The following METTL6 variants were observed in gnomAD, a reference collection of about 807,000 sequenced individuals.
METTL6 encodes the protein tRNA N(3)-cytidine methyltransferase METTL6.
Under a neutral mutation model 26.4 loss-of-function variants are expected in METTL6, and 22 were observed. That is an observed-to-expected ratio of 0.83 (90% CI 0.59 to 1.19). The LOEUF (loss-of-function observed/expected upper bound fraction) is 1.19, where lower values mean the gene tolerates loss of function less well. Ranked by LOEUF, METTL6 falls within the 50% of genes most tolerant of loss-of-function variation. METTL6 has a pLI of 0.00. For synonymous variants in METTL6, 109 were observed against 116.2 expected (o/e 0.94, Z 0.40); for missense variants, 304 against 324.8 (o/e 0.94, Z 0.49).
chr3:15,386,157 G>A (rs1398271592), intron 6 of METTL6, among the ~76,000 whole-genome samples: 3 of 152,130 alleles, frequency 2.0e-5, no homozygotes, highest in Non-Finnish European at 4.4e-5. Context: ...CAGAACTGAG[G>A]GTTCCTCCCC....
rs552771173 is a variant in METTL6 at position 15,423,881 on chromosome 3, C to CAAACAA, written c.360+1068_360+1073dup. Among the ~76,000 whole-genome samples, 38 of 151,820 alleles carry CAAACAA rather than the reference C, an allele frequency of 2.5e-4. 1 individual carries two copies. The East Asian group carries it at 3.5e-3, about 14-fold the overall frequency. On this transcript the variant is annotated intron_variant, in intron 3 of 5. Transcript: ENST00000383790. ...CCTGGGTGAGAGTGAAACCATGTCTCAAACAAAAACAAAAACAAAAACCAG... is the reference window on the plus strand; with the variant it reads ...CCTGGGTGAGAGTGAAACCATGTCTCAAACAAAAACAAAAACAAAAACAAAAACCAG...
intron 3 of METTL6, among the ~76,000 whole-genome samples, chr3:15,421,115 TAGA>T (rs1200521187): frequency 6.6e-6 from 1 of 152,206 alleles, no homozygotes; most frequent in Non-Finnish European, 1.5e-5. Context: ...TCTCCATATC[TAGA>T]AGATGGTTTT....
At chr3:15,425,953 T>C (rs1042713468) in intron 2 of METTL6, among the ~76,000 whole-genome samples, 1 of 152,180 alleles carries the variant, frequency 6.6e-6, no homozygotes, top group Non-Finnish European at 1.5e-5. Flanking sequence ...ACATTTTTTT[T>C]TCTTTTGAGA....
chr3:15,425,232 C>G, intron 2 of METTL6, 143 bp from the exon 3 acceptor site: 1 of 806,520 alleles, frequency 1.2e-6, no homozygotes, highest in South Asian at 1.9e-5. Context: ...AAAGCTAATA[C>G]TGGTACTTCA....
At position 15,411,328 on chromosome 3, in the gene METTL6, G is replaced by A. The variant is rs1699955067; in HGVS notation, c.783C>T (p.Phe261=). The A allele has an allele frequency of 1.2e-6, 2 of 1,614,174 alleles. No homozygotes were observed. The highest frequency in any genetic ancestry group is 2.2e-5 in the East Asian group (1 of 44,880). The part of the protein sequence containing the change: ...KKEGLCVPRV[F]LQSKFLKPPK... ...GAGGCTTTAGAAATTTGCTCTGAAG[G>A]AAAACTCTTGGCACACACAGGCCTT... Residue 261 remains phenylalanine (F), a synonymous_variant, in exon 6 of 6, where the codon TTC becomes TTT. Transcript: ENST00000383790.
chr3:15,392,642 A>G (rs1699381064), intron 6 of METTL6, among the ~76,000 whole-genome samples: 1 of 152,178 alleles, frequency 6.6e-6, no homozygotes, highest in Admixed American at 6.5e-5. Context: ...CTAACATTTA[A>G]ATCTTTAATC....
chr3:15,408,392 T>C (rs1172802756), downstream of METTL6, among the ~76,000 whole-genome samples: 3 of 152,162 alleles, frequency 2.0e-5, no homozygotes, highest in Non-Finnish European at 2.9e-5. Flanking sequence ...TCACGTGCCA[T>C]ATATATGTAC....
At chr3:15,393,064 T>A (rs567910404) in intron 6 of METTL6, among the ~76,000 whole-genome samples, 1 of 152,342 alleles carries the variant, frequency 6.6e-6, no homozygotes, top group African/African-American at 2.4e-5. Flanking sequence ...AGGGATGGCA[T>A]TGAATCTATA....
At chr3:15,387,868 A>G (rs1201071863) in intron 6 of METTL6, among the ~76,000 whole-genome samples, 2 of 151,156 alleles carry the variant, frequency 1.3e-5, no homozygotes, top group African/African-American at 2.4e-5. Flanking sequence ...GCTGGAGTGC[A>G]ATGGTGTGGT....
downstream of METTL6, among the ~76,000 whole-genome samples, chr3:15,408,467 A>C (rs941710593): frequency 1.3e-5 from 2 of 150,600 alleles, no homozygotes; most frequent in Admixed American, 1.3e-4. Context: ...GAGGAATGTG[A>C]GGTTCAAACA....
At chr3:15,415,368 GCTGGTTTCAAACTCCTGAC>G in intron 4 of METTL6, 1 of 815,462 alleles carries the variant, frequency 1.2e-6, no homozygotes, top group Non-Finnish European at 1.9e-6. Context: ...TGTTGGCCAG[GCTGGTTTCAAACTCCTGAC>G]CTCAAGTGAT....
At chr3:15,416,606 C>T (rs984949471) in intron 3 of METTL6, among the ~76,000 whole-genome samples, 12 of 152,086 alleles carry the variant, frequency 7.9e-5, no homozygotes, top group African/African-American at 2.4e-4. Flanking sequence ...AAGCCTAAAC[C>T]CTATGAGAAG....
chr3:15,394,506 G>A (rs1010118540), intron 6 of METTL6, among the ~76,000 whole-genome samples: 4 of 152,026 alleles, frequency 2.6e-5, no homozygotes, highest in Non-Finnish European at 4.4e-5. Context: ...CTTCAGTTCT[G>A]CTCTGATCTT....
intron 3 of METTL6, among the ~76,000 whole-genome samples, chr3:15,424,248 A>C (rs2061671679): frequency 6.6e-6 from 1 of 152,184 alleles, no homozygotes; most frequent in South Asian, 2.1e-4. Context: ...ATGGATGTTA[A>C]TAACATTGGG....
At chr3:15,408,047 C>CT (rs1294448140), downstream of METTL6, among the ~76,000 whole-genome samples, 1 of 152,172 alleles carries the variant, frequency 6.6e-6, no homozygotes, top group Non-Finnish European at 1.5e-5. Flanking sequence ...CTGGCCTCAA[C>CT]TTTTATTTTC....
chr3:15,415,913 G>A lies in METTL6; in HGVS notation c.390C>T (p.Cys130=), dbSNP rs1191186991. ...TAGTCAGATCACACTGGAATACCTT[G>A]CATCTTTCTGTATCATATAAAGGAT... ...KQNPLYDTER[C]KVFQCDLTKD... is the part of the protein sequence containing the mutation. Residue 130 remains cysteine, a synonymous_variant, in exon 4 of 6, where the codon TGC becomes TGT. Transcript: ENST00000383790. 1 of 1,613,068 alleles carries A rather than the reference G, an allele frequency of 6.2e-7. No homozygotes were observed. The highest frequency in any genetic ancestry group is 2.2e-5 in the East Asian group (1 of 44,876).
At chr3:15,404,381 C>T (rs1172827407) in intron 6 of METTL6, among the ~76,000 whole-genome samples, 4 of 152,146 alleles carry the variant, frequency 2.6e-5, no homozygotes, top group African/African-American at 9.7e-5. Flanking sequence ...TTGCTCTTGT[C>T]ACACAGGCTG....
downstream of METTL6, among the ~76,000 whole-genome samples, chr3:15,407,165 A>G (rs1039999284): frequency 1.3e-5 from 2 of 152,062 alleles, no homozygotes; most frequent in Non-Finnish European, 2.9e-5. Flanking sequence ...GACTACAGAC[A>G]TGCACCACCA....
chr3:15,410,540 G>A lies in METTL6; in HGVS notation c.*716C>T, dbSNP rs1179459350. ...TGCCCACACTGGTCTTGAACTCCTG[G>A]GCTCAAGGGATCTGCTGGCCTTGGC... On this transcript the variant is annotated 3_prime_UTR_variant, in exon 6 of 6. Coordinates refer to ENST00000383790, the MANE Select transcript of METTL6 (RefSeq NM_152396.4). Among the ~76,000 whole-genome samples the A allele has an allele frequency of 1.3e-5, 2 of 152,184 alleles. No homozygotes were observed. Among genetic ancestry groups the A allele is most frequent in the East Asian group, 3.9e-4 (2 of 5,170 alleles).
Sources: allele counts gnomAD v4.1 joint callset (sites outside exome capture counted in the v4.1 genomes callset), GRCh38; gene constraint gnomAD v4.1.1; transcripts MANE v1.5; gene names NCBI Gene and HGNC (gene_info 2026-07-23, HGNC 2026-07-21).